The following UBXN8 variants were observed in gnomAD, a reference collection of about 807,000 sequenced individuals.
UBXN8 encodes UBX domain-containing protein 8.
A neutral mutation model predicts 32.1 loss-of-function variants in UBXN8; 27 were observed. The ratio of observed to expected loss-of-function variants is 0.84; its 90% CI spans 0.62 to 1.16. The LOEUF (loss-of-function observed/expected upper bound fraction) is 1.16, where lower values mean the gene tolerates loss of function less well. Among genes scored for constraint, UBXN8 ranks in the 50% most tolerant of loss-of-function variants. The pLI, the probability that UBXN8 is intolerant of heterozygous loss-of-function variation, is 0.00. For missense variants in UBXN8, 306 were observed against 311.4 expected (o/e 0.98, Z 0.13); for synonymous variants, 109 against 111.8 (o/e 0.98, Z 0.16).
chr8:30,755,025 G>A lies in UBXN8; in HGVS notation c.405+238G>A, dbSNP rs185715019. ...GGCTGGAGTTCAGTGGCACAATCTCGGCTCACTGCAAGCTCCGCCTCCCAG... is the reference window on the plus strand; with the variant it reads ...GGCTGGAGTTCAGTGGCACAATCTCAGCTCACTGCAAGCTCCGCCTCCCAG... On this transcript the variant is annotated intron_variant, in intron 4 of 7. Coordinates refer to ENST00000265616, the MANE Select transcript of UBXN8 (RefSeq NM_005671.4). 8.9e-4 allele frequency among the ~76,000 whole-genome samples: 128 copies of A among 143,620 alleles called. 2 individuals carry two copies. In the East Asian group the frequency reaches 0.015, roughly 17 times the overall value. The allele number at this position is 143,620 out of a possible 152,430, so 94.2% of individuals were successfully genotyped here. A position where few individuals can be genotyped will look rare whatever the true frequency, so the allele number is the denominator to read the frequency against.
At chr8:30,729,764 A>T (rs1189584351), upstream of UBXN8, among the ~76,000 whole-genome samples, 1 of 152,228 alleles carries the variant, frequency 6.6e-6, no homozygotes, top group Non-Finnish European at 1.5e-5. Flanking sequence ...GGCCAACATT[A>T]GAAGTGGGTT....
chr8:30,730,785 G>A (rs1804933581), upstream of UBXN8, among the ~76,000 whole-genome samples: 1 of 152,240 alleles, frequency 6.6e-6, no homozygotes, highest in Non-Finnish European at 1.5e-5. Flanking sequence ...ATCAACGCAT[G>A]ATTAACATGG....
At chr8:30,744,833 C>T (rs11988446) in intron 1 of UBXN8, among the ~76,000 whole-genome samples, 1 of 151,988 alleles carries the variant, frequency 6.6e-6, no homozygotes, top group African/African-American at 2.4e-5. Context: ...GATTGTGACA[C>T]GTTGGAGGAA....
At chr8:30,732,181 T>C (rs866454234), upstream of UBXN8, 135 of 352,376 alleles carry the variant, frequency 3.8e-4, 1 homozygote, top group Middle Eastern at 3.0e-3. Context: ...CGGGGAGGCA[T>C]TGGCTCGAGA....
chr8:30,763,479 C>G, intron 7 of UBXN8, 132 bp downstream of exon 7: 1 of 862,252 alleles, frequency 1.2e-6, no homozygotes, highest in South Asian at 1.7e-5. Flanking sequence ...AGGACATTTC[C>G]AGGTACTCCA....
At chr8:30,753,310 G>T (rs564196808) in intron 3 of UBXN8, among the ~76,000 whole-genome samples, 1 of 152,164 alleles carries the variant, frequency 6.6e-6, no homozygotes, top group Non-Finnish European at 1.5e-5. Context: ...AGGCTGGAAT[G>T]CAGTGGCGAA....
At chr8:30,744,110 C>A (rs1302070246), upstream of UBXN8, 5 of 1,389,644 alleles carry the variant, frequency 3.6e-6, no homozygotes, top group African/African-American at 1.4e-5. Flanking sequence ...CGGCCCGCGG[C>A]AAGAAGAGTT....
upstream of UBXN8, among the ~76,000 whole-genome samples, chr8:30,729,487 G>C (rs192113439): frequency 6.6e-6 from 1 of 152,300 alleles, no homozygotes; most frequent in African/African-American, 2.4e-5. Context: ...GTTTGACCTG[G>C]CTTGGATTAC....
At chr8:30,740,183 C>T (rs1310165339), upstream of UBXN8, among the ~76,000 whole-genome samples, 1 of 152,004 alleles carries the variant, frequency 6.6e-6, no homozygotes, top group Admixed American at 6.6e-5. Context: ...TGAGCCGCCA[C>T]GGTCAGTCAG....
chr8:30,750,642 A>G (rs912982533), intron 1 of UBXN8, among the ~76,000 whole-genome samples: 7 of 151,954 alleles, frequency 4.6e-5, no homozygotes, highest in South Asian at 4.1e-4. Context: ...GCGTGGTGGC[A>G]GGCACCTGTA....
At chr8:30,746,424 A>G (rs1016968958) in intron 1 of UBXN8, among the ~76,000 whole-genome samples, 1 of 151,466 alleles carries the variant, frequency 6.6e-6, no homozygotes. Context: ...GCCTATACTG[A>G]TATTCAGACA....
chr8:30,732,394 C>G, upstream of UBXN8: 1 of 383,474 alleles, frequency 2.6e-6, no homozygotes. Context: ...GATTTACTAT[C>G]CGACGGGGAG....
At chr8:30,760,242 G>A (rs1408705073) in intron 5 of UBXN8, among the ~76,000 whole-genome samples, 1 of 147,180 alleles carries the variant, frequency 6.8e-6, no homozygotes, top group African/African-American at 2.5e-5. Context: ...TTGTATTTTT[G>A]TAGAGACGGG....
At chr8:30,738,812 C>T (rs896699924) in intron 1 of UBXN8, among the ~76,000 whole-genome samples, 11 of 149,358 alleles carry the variant, frequency 7.4e-5, no homozygotes, top group Admixed American at 4.7e-4. Flanking sequence ...AAAAATTAGC[C>T]AGGCGTGGTG....
At chr8:30,760,238 T>G (rs779451578) in intron 5 of UBXN8, among the ~76,000 whole-genome samples, 1 of 148,598 alleles carries the variant, frequency 6.7e-6, no homozygotes, top group Non-Finnish European at 1.5e-5. Flanking sequence ...ATTTTTGTAT[T>G]TTTGTAGAGA....
chr8:30,736,708 G>A (rs1444346265), intron 1 of UBXN8, among the ~76,000 whole-genome samples: 2 of 152,142 alleles, frequency 1.3e-5, no homozygotes, highest in African/African-American at 2.4e-5. Context: ...CCTGACCTCA[G>A]GTGATCCACT....
intron 1 of UBXN8, among the ~76,000 whole-genome samples, chr8:30,737,546 G>A (rs1242995877): frequency 6.6e-6 from 1 of 152,158 alleles, no homozygotes; most frequent in Non-Finnish European, 1.5e-5. Flanking sequence ...GGGTGTGGTA[G>A]GTGCATCATA....
At chr8:30,764,313 G>A (rs1246073799) in intron 7 of UBXN8, among the ~76,000 whole-genome samples, 1 of 152,168 alleles carries the variant, frequency 6.6e-6, no homozygotes, top group Non-Finnish European at 1.5e-5. Flanking sequence ...GCTGGGACCA[G>A]GCACACACCA....
At chr8:30,753,984 G>A (rs1274698486) in intron 3 of UBXN8, among the ~76,000 whole-genome samples, 1 of 152,090 alleles carries the variant, frequency 6.6e-6, no homozygotes, top group Non-Finnish European at 1.5e-5. Flanking sequence ...GTGCACGCCT[G>A]TAATCCCAGC....
Sources: gnomAD v4.1 joint callset for allele counts (sites outside exome capture counted in the v4.1 genomes callset) on GRCh38, gnomAD v4.1.1 for gene constraint, MANE v1.5 for transcripts, NCBI Gene and HGNC (gene_info 2026-07-23, HGNC 2026-07-21) for gene names.